The following CHRM3 variants were observed in gnomAD, a reference collection of about 807,000 sequenced individuals.
CHRM3 encodes cholinergic receptor muscarinic 3, also known as muscarinic acetylcholine receptor M3.
CHRM3 carries 11 observed loss-of-function variants against 41.8 expected under a neutral mutation model. The observed-to-expected ratio is 0.26, with a 90% CI of 0.17 to 0.44. The LOEUF (loss-of-function observed/expected upper bound fraction) is 0.44. Ranked by LOEUF, CHRM3 falls within the 20% of genes least tolerant of loss-of-function variation. The pLI is 1.00. For synonymous variants in CHRM3, 297 were observed against 301.4 expected (o/e 0.99, Z 0.15); for missense variants, 571 against 745.4 (o/e 0.77, Z 2.72).
At chr1:239,418,255 C>G (rs1459170879) in intron 1 of CHRM3, among the ~76,000 whole-genome samples, 1 of 152,124 alleles carries the variant, frequency 6.6e-6, no homozygotes, top group African/African-American at 2.4e-5. Flanking sequence ...CTGCTGGCAG[C>G]TCATCTGTGT....
At chr1:239,415,299 G>A (rs896163941) in intron 1 of CHRM3, among the ~76,000 whole-genome samples, 1 of 152,142 alleles carries the variant, frequency 6.6e-6, no homozygotes, top group African/African-American at 2.4e-5. Context: ...AATTAGCCAG[G>A]CATGGTGGCA....
chr1:239,893,324 C>A (rs111969140), intron 6 of CHRM3, among the ~76,000 whole-genome samples: 1 of 152,150 alleles, frequency 6.6e-6, no homozygotes, highest in Non-Finnish European at 1.5e-5. Context: ...ATGAGAGAGG[C>A]AAGGGCAAGA....
In CHRM3 at chr1:239,680,472, GAA is replaced by G. The variant is rs1315390978; in HGVS notation, c.-147+2186_-147+2187del. 2.0e-5 allele frequency among the ~76,000 whole-genome samples: 3 copies of G among 152,044 alleles called. No individual in the cohort carries two copies. The East Asian group carries it at 5.8e-4, about 29-fold the overall frequency. On this transcript the variant is annotated intron_variant, in intron 5 of 6. Transcript: ENST00000676153. Reference sequence around the variant, plus strand: ...AGGCCAAAAGTAATTCACAAGTATAGAAATGACAGACATTGTTTACCTATCCA... The same window carrying G: ...AGGCCAAAAGTAATTCACAAGTATAGATGACAGACATTGTTTACCTATCCA...
chr1:239,811,320 T>A (rs1425911074), intron 5 of CHRM3, among the ~76,000 whole-genome samples: 1 of 152,200 alleles, frequency 6.6e-6, no homozygotes, highest in Non-Finnish European at 1.5e-5. Flanking sequence ...GCAAGACCCA[T>A]TGTCTCCCAT....
chr1:239,575,734 T>G (rs1201468643), intron 3 of CHRM3, among the ~76,000 whole-genome samples: 3 of 151,734 alleles, frequency 2.0e-5, no homozygotes. Context: ...AGAACATGTT[T>G]GCACTCCTAC....
In CHRM3 at chr1:239,827,908, A is replaced by G. The variant is rs572717915; in HGVS notation, c.-20+530A>G. Among the ~76,000 whole-genome samples the G allele has an allele frequency of 5.3e-5, 8 of 152,356 alleles. No homozygotes were observed. The South Asian group carries it at 1.7e-3, about 32-fold the overall frequency. ...CCTTTAATGTATTTTAAATTAAAAA[A>G]TCATTATAAAGTGCAGCATGTAATT... On this transcript the variant is annotated intron_variant, in intron 6 of 6. Transcript: ENST00000676153.
chr1:239,651,774 T>C (rs1019138261), intron 4 of CHRM3, among the ~76,000 whole-genome samples: 2 of 152,072 alleles, frequency 1.3e-5, no homozygotes, highest in Non-Finnish European at 2.9e-5. Flanking sequence ...TTCCTCTGCT[T>C]AGCAGCTCAC....
chr1:239,748,350 T>G lies in CHRM3; in HGVS notation c.-147+70062T>G. ...TCTCTCTTACGATGCAGTCAGAATCTTATTGACACTTCTTTTTTAACTCTC... is the reference window on the plus strand; with the variant it reads ...TCTCTCTTACGATGCAGTCAGAATCGTATTGACACTTCTTTTTTAACTCTC... On this transcript the variant is annotated intron_variant, in intron 5 of 6. Transcript: ENST00000676153. The surrounding 1 kb of genome is among the most constrained non-coding windows in gnomAD (Gnocchi z 4.3). Among the ~76,000 whole-genome samples the G allele has an allele frequency of 6.6e-6, 1 of 152,224 alleles. No individual in the cohort carries two copies. The highest frequency in any genetic ancestry group is 2.4e-5 in the African/African-American group (1 of 41,464).
intron 5 of CHRM3, among the ~76,000 whole-genome samples, chr1:239,786,507 G>A (rs1227373890): frequency 6.6e-6 from 1 of 152,244 alleles, no homozygotes; most frequent in Non-Finnish European, 1.5e-5. Flanking sequence ...CTAATTAGCA[G>A]TAGGAGAGGA....
intron 6 of CHRM3, among the ~76,000 whole-genome samples, chr1:239,849,240 G>A (rs1674509914): frequency 6.6e-6 from 1 of 152,172 alleles, no homozygotes; most frequent in African/African-American, 2.4e-5. Context: ...AATGGAGGAA[G>A]ACACTGAATA....
intron 3 of CHRM3, among the ~76,000 whole-genome samples, chr1:239,627,928 C>T (rs1669194023): frequency 6.8e-6 from 1 of 147,762 alleles, no homozygotes; most frequent in African/African-American, 2.5e-5. Context: ...CTCTGGCTGC[C>T]CTTAACATTT....
At chr1:239,532,009 CTT>C (rs34798101) in intron 2 of CHRM3, among the ~76,000 whole-genome samples, 10,355 of 75,350 alleles carry the variant, frequency 0.14, 260 homozygotes, top group Non-Finnish European at 0.18. Context: ...TTCCTTCTTT[CTT>C]TTTTTTTTTT....
intron 1 of CHRM3, among the ~76,000 whole-genome samples, chr1:239,426,155 C>T (rs1273446390): frequency 2.1e-5 from 2 of 95,676 alleles, no homozygotes; most frequent in African/African-American, 8.1e-5. Context: ...CCTCCCCCCT[C>T]CCCCCACCCC....
intron 4 of CHRM3, among the ~76,000 whole-genome samples, chr1:239,644,818 G>A (rs549535538): frequency 7.6e-4 from 116 of 152,332 alleles, no homozygotes; most frequent in African/African-American, 2.7e-3. Context: ...CTGCACTTGA[G>A]TAACAAGACT....
rs931709965 is a variant in CHRM3 at position 239,763,779 on chromosome 1, G to A, written c.-146-63473G>A. ...CAAACAATTTAAGACCTTTTCTCTC[G>A]GTGGAGCTTTTATCTCATTAAGTCC... On this transcript the variant is annotated intron_variant, in intron 5 of 6. Transcript: ENST00000676153. Among the ~76,000 whole-genome samples the A allele has an allele frequency of 4.6e-5, 7 of 151,958 alleles. No individual in the cohort carries two copies. In the East Asian group the frequency reaches 9.7e-4, roughly 21 times the overall value.
chr1:239,435,959 C>T (rs1264383083), intron 1 of CHRM3, among the ~76,000 whole-genome samples: 2 of 152,112 alleles, frequency 1.3e-5, no homozygotes, highest in African/African-American at 4.8e-5. Context: ...TCTTTGGGGG[C>T]TGTGCTCACC....
intron 1 of CHRM3, among the ~76,000 whole-genome samples, chr1:239,485,139 A>T (rs1251991537): frequency 1.3e-5 from 2 of 152,150 alleles, no homozygotes; most frequent in Non-Finnish European, 2.9e-5. Context: ...TTCCAGCTCA[A>T]TGATAAATTG....
chr1:239,748,362 C>CT lies in CHRM3; in HGVS notation c.-147+70080dup, dbSNP rs1665544814. On this transcript the variant is annotated intron_variant, in intron 5 of 6. Coordinates refer to ENST00000676153, the MANE Select transcript of CHRM3 (RefSeq NM_001375978.1). This position sits in a 1 kb window ranked among gnomAD's most constrained non-coding sequence, Gnocchi z 4.3. The stretch of plus-strand genomic sequence containing the variant: ...TGCAGTCAGAATCTTATTGACACTT[C>CT]TTTTTTAACTCTCAGACTGATCAAT... Among the ~76,000 whole-genome samples the CT allele has an allele frequency of 6.6e-6, 1 of 152,286 alleles. No homozygotes were observed. The highest frequency in any genetic ancestry group is 1.9e-4 in the East Asian group (1 of 5,176).
At chr1:239,508,242 G>T (rs1668699688) in intron 2 of CHRM3, among the ~76,000 whole-genome samples, 1 of 152,190 alleles carries the variant, frequency 6.6e-6, no homozygotes, top group African/African-American at 2.4e-5. Flanking sequence ...GAATATAGGA[G>T]AACAATTATG....
Sources: allele counts gnomAD v4.1 joint callset (sites outside exome capture counted in the v4.1 genomes callset), GRCh38; gene constraint gnomAD v4.1.1; non-coding constraint Gnocchi (gnomAD v3.1); transcripts MANE v1.5; gene names NCBI Gene and HGNC (gene_info 2026-07-23, HGNC 2026-07-21).